Variants in MAST4 observed in about 807,000 individuals in gnomAD.
MAST4 encodes the protein microtubule-associated serine/threonine-protein kinase 4.
MAST4 carries 89 observed loss-of-function variants against 162.7 expected under a neutral mutation model. The observed-to-expected ratio is 0.55, with a 90% CI of 0.46 to 0.65. MAST4 has a LOEUF of 0.65. Among genes scored for constraint, MAST4 ranks in the 30% least tolerant of loss-of-function variants. The pLI is 0.00. For missense variants in MAST4, 3,153 were observed against 3,374.0 expected (o/e 0.93, Z 1.62); for synonymous variants, 1,479 against 1,361.1 (o/e 1.09, Z -1.91).
rs1011830 is a variant in MAST4, at chr5:67,105,033, A to G, written c.1356+458A>G. ...TGTTGAGTAGTGAATGGCAACCTAT[A>G]TTTTCATTAGTGTCAGTTCTTCTTC... On this transcript the variant is annotated intron_variant, in intron 10 of 28. Transcript: ENST00000403625. Among the ~76,000 whole-genome samples the G allele has an allele frequency of 4.9e-3, 746 of 152,258 alleles. 14 individuals carry two copies. The highest frequency in any genetic ancestry group is 0.031 in the Admixed American group (474 of 15,282).
chr5:66,678,916 C>T (rs1748140592), intron 1 of MAST4, among the ~76,000 whole-genome samples: 2 of 152,084 alleles, frequency 1.3e-5, no homozygotes, highest in Admixed American at 6.6e-5. Flanking sequence ...CTCAGCCTCT[C>T]AAGTAGCTGG....
intron 2 of MAST4, among the ~76,000 whole-genome samples, chr5:66,773,075 G>C (rs1754431155): frequency 6.6e-6 from 1 of 152,074 alleles, no homozygotes; most frequent in African/African-American, 2.4e-5. Context: ...CTCATTTTTG[G>C]TGGCCAATCA....
At chr5:66,797,800 G>A (rs1176650726) in intron 3 of MAST4, among the ~76,000 whole-genome samples, 1 of 152,114 alleles carries the variant, frequency 6.6e-6, no homozygotes, top group Non-Finnish European at 1.5e-5. Context: ...AGTGGAAATT[G>A]CATACAGTGT....
intron 15 of MAST4, 150 bp from the exon 16 acceptor site, chr5:67,131,663 A>G: frequency 1.6e-6 from 1 of 626,232 alleles, no homozygotes; most frequent in Non-Finnish European, 2.6e-6. Context: ...AGTTAGAAAC[A>G]TGATAGGTTA....
chr5:66,853,429 TAAAG>T (rs1425792903), intron 3 of MAST4, among the ~76,000 whole-genome samples: 1 of 152,220 alleles, frequency 6.6e-6, no homozygotes, highest in Non-Finnish European at 1.5e-5. Context: ...TAAATAGTAT[TAAAG>T]AAGTGTTTCA....
chr5:66,915,533 A>T (rs1764056038), intron 4 of MAST4, among the ~76,000 whole-genome samples: 1 of 152,218 alleles, frequency 6.6e-6, no homozygotes, highest in Admixed American at 6.5e-5. Flanking sequence ...GAACTAGTGT[A>T]CTTAAGAAAA....
intron 1 of MAST4, among the ~76,000 whole-genome samples, chr5:66,613,486 G>A (rs10051947): frequency 0.064 from 9,771 of 152,128 alleles, 420 homozygotes; most frequent in Middle Eastern, 0.15. Context: ...ACGTATAGCT[G>A]GAAAAACTTC....
chr5:66,854,660 T>G (rs769592895), intron 3 of MAST4, among the ~76,000 whole-genome samples: 1 of 151,894 alleles, frequency 6.6e-6, no homozygotes, highest in Non-Finnish European at 1.5e-5. Context: ...GAAGTTACAG[T>G]CTTGTAACCT....
At chr5:66,959,248 A>G in intron 4 of MAST4, 1 of 779,710 alleles carries the variant, frequency 1.3e-6, no homozygotes, top group Non-Finnish European at 2.4e-6. Context: ...TATAACAACC[A>G]TGAAAGCCCA....
At chr5:67,012,508 G>A (rs1279289483) in intron 4 of MAST4, among the ~76,000 whole-genome samples, 1 of 152,184 alleles carries the variant, frequency 6.6e-6, no homozygotes. Context: ...TGGTAACTGA[G>A]TAATCCTTTT....
intron 3 of MAST4, among the ~76,000 whole-genome samples, chr5:66,803,913 C>A (rs194474): frequency 0.78 from 117,919 of 151,692 alleles, 46,325 homozygotes; most frequent in Non-Finnish European, 0.85. Flanking sequence ...TCCACATTGC[C>A]TACTGAGTAT....
chr5:67,116,261 A>G (rs1352922722), intron 12 of MAST4, among the ~76,000 whole-genome samples: 1 of 152,040 alleles, frequency 6.6e-6, no homozygotes, highest in African/African-American at 2.4e-5. Flanking sequence ...GCTGGAGTGT[A>G]GTGGCATGAT....
intron 4 of MAST4, chr5:67,005,103 T>C: frequency 1.3e-6 from 1 of 743,512 alleles, no homozygotes; most frequent in Non-Finnish European, 2.5e-6. Flanking sequence ...CGCGGGGATC[T>C]CTGCCTGGAG....
intron 3 of MAST4, among the ~76,000 whole-genome samples, chr5:66,848,624 T>C (rs1759067567): frequency 6.6e-6 from 1 of 152,234 alleles, no homozygotes; most frequent in Non-Finnish European, 1.5e-5. Flanking sequence ...CTCTAAATAA[T>C]TGTTCTCATC....
At chr5:67,146,220 G>A (rs2151054569) in intron 23 of MAST4, among the ~76,000 whole-genome samples, 1 of 152,330 alleles carries the variant, frequency 6.6e-6, no homozygotes, top group Non-Finnish European at 1.5e-5. Context: ...TTACCTTTGT[G>A]TGATGTAACC....
intron 3 of MAST4, among the ~76,000 whole-genome samples, chr5:66,804,535 A>G (rs1756085871): frequency 6.6e-6 from 1 of 152,214 alleles, no homozygotes; most frequent in South Asian, 2.1e-4. Flanking sequence ...CAAGGACTAG[A>G]CTTGGAACTG....
intron 1 of MAST4, among the ~76,000 whole-genome samples, chr5:66,702,249 C>T (rs1749828317): frequency 6.6e-6 from 1 of 152,152 alleles, no homozygotes; most frequent in Admixed American, 6.5e-5. Context: ...CCCTCGACTG[C>T]CATGGGGTTC....
chr5:66,634,252 T>C (rs1744962694), intron 1 of MAST4, among the ~76,000 whole-genome samples: 3 of 152,254 alleles, frequency 2.0e-5, no homozygotes, highest in Middle Eastern at 3.4e-3. Context: ...AGAGACAGGG[T>C]TTCTCCATGT....
intron 4 of MAST4, among the ~76,000 whole-genome samples, chr5:66,977,381 G>T (rs1040189028): frequency 5.3e-5 from 8 of 152,010 alleles, no homozygotes; most frequent in Non-Finnish European, 8.8e-5. Context: ...GATTACAGGA[G>T]TGAGCCACCA....
Sources: gnomAD v4.1 joint callset for allele counts (sites outside exome capture counted in the v4.1 genomes callset) on GRCh38, gnomAD v4.1.1 for gene constraint, MANE v1.5 for transcripts, NCBI Gene and HGNC (gene_info 2026-07-23, HGNC 2026-07-21) for gene names.